The following GALNT11 variants were observed in gnomAD, a reference collection of about 807,000 sequenced individuals.
GALNT11 encodes UDP-GalNAc:polypeptide N-acetylgalactosaminyltransferase 11.
GALNT11 carries 47 observed loss-of-function variants against 72.7 expected under a neutral mutation model. The ratio of observed to expected loss-of-function variants is 0.65; its 90% confidence interval spans 0.51 to 0.82. GALNT11 has a LOEUF of 0.82. Ranked by LOEUF, GALNT11 falls within the 40% of genes least tolerant of loss-of-function variation. The probability of loss-of-function intolerance (pLI) is 0.00; values close to 1 mark genes in which losing one functional copy is unlikely to be tolerated. For missense variants in GALNT11, 677 were observed against 778.4 expected (o/e 0.87, Z 1.55); for synonymous variants, 270 against 286.6 (o/e 0.94, Z 0.58).
At chr7:152,056,475 T>C (rs1177483455) in intron 1 of GALNT11, among the ~76,000 whole-genome samples, 1 of 152,000 alleles carries the variant, frequency 6.6e-6, no homozygotes, top group African/African-American at 2.4e-5. Flanking sequence ...GGACTTGGAG[T>C]GAAGAGACTA....
chr7:152,077,735 A>C (rs546465498), intron 1 of GALNT11, among the ~76,000 whole-genome samples: 1 of 152,258 alleles, frequency 6.6e-6, no homozygotes, highest in Admixed American at 6.5e-5. Context: ...GATTTTTCAA[A>C]TAGTGTCCAC....
chr7:152,108,015 A>G, intron 5 of GALNT11, 23 bp from the exon 6 acceptor site: 1 of 1,594,252 alleles, frequency 6.3e-7, no homozygotes. Flanking sequence ...CACTCTCCTG[A>G]GCCTCTGTTG....
At chr7:152,109,380 C>T (rs1393421007) in intron 6 of GALNT11, among the ~76,000 whole-genome samples, 3 of 152,306 alleles carry the variant, frequency 2.0e-5, no homozygotes, top group Middle Eastern at 3.4e-3. Flanking sequence ...AGGAAGTCAG[C>T]GTTGTTAGTC....
rs563255234 is a variant in GALNT11 at position 152,039,442 on chromosome 7, G to A, written c.-39+13558G>A. ...CAAGATGGATAAATATGCCCAATAA[G>A]TGTAATTGTTCTCTGTGTCAGCCCT... On this transcript the variant is annotated intron_variant, in intron 1 of 11. Coordinates refer to ENST00000430044, the MANE Select transcript of GALNT11 (RefSeq NM_022087.4). Among the ~76,000 whole-genome samples, 6 of 152,172 alleles carry A rather than the reference G, an allele frequency of 3.9e-5. No homozygotes were observed. In the East Asian group the frequency reaches 9.6e-4, roughly 24 times the overall value.
At chr7:152,081,421 G>T (rs531211008) in intron 1 of GALNT11, among the ~76,000 whole-genome samples, 1 of 152,306 alleles carries the variant, frequency 6.6e-6, no homozygotes, top group East Asian at 1.9e-4. Context: ...TGTAAATTGG[G>T]TGAGCTGAGA....
intron 8 of GALNT11, among the ~76,000 whole-genome samples, chr7:152,113,680 T>C (rs1241268816): frequency 6.7e-6 from 1 of 150,062 alleles, no homozygotes; most frequent in African/African-American, 2.5e-5. Context: ...CCGTCTGGTC[T>C]CTCTATTGTG....
At chr7:152,117,406 T>G in intron 9 of GALNT11, 31 bp downstream of exon 9, 1 of 1,608,136 alleles carries the variant, frequency 6.2e-7, no homozygotes, top group Non-Finnish European at 8.5e-7. Flanking sequence ...AAGTGGCTTA[T>G]GAAAAGCGTT....
chr7:152,101,647 G>A (rs1041431930), intron 3 of GALNT11, among the ~76,000 whole-genome samples: 9 of 146,498 alleles, frequency 6.1e-5, no homozygotes, highest in African/African-American at 2.3e-4. Flanking sequence ...TTTTTTGGGG[G>A]GGGGGGGATG....
intron 8 of GALNT11, among the ~76,000 whole-genome samples, chr7:152,116,751 A>AAGCC (rs2088900076): frequency 1.3e-5 from 2 of 152,362 alleles, no homozygotes; most frequent in South Asian, 4.1e-4. Context: ...GGCTTGTTTT[A>AAGCC]AGCCAGCCAG....
chr7:152,069,997 C>CTTTTTTTTTTTTT (rs879494057), intron 1 of GALNT11, among the ~76,000 whole-genome samples: 2 of 143,482 alleles, frequency 1.4e-5, no homozygotes, highest in African/African-American at 5.7e-5. Context: ...TTTTCTTTTT[C>CTTTTTTTTTTTTT]TTTTTCTTTT....
rs185921157 is a variant in GALNT11 at position 152,083,328 on chromosome 7, C to T, written c.-38-10862C>T. On this transcript the variant is annotated intron_variant, in intron 1 of 11. Transcript: ENST00000430044. The stretch of plus-strand genomic sequence containing the variant: ...GTTTTATAATTAAATATCCAGTTTT[C>T]GGGATAAATGATGGGAGGAGTAGAC... 1.6e-3 allele frequency among the ~76,000 whole-genome samples: 246 copies of T among 152,100 alleles called. 3 individuals carry two copies. The highest frequency in any genetic ancestry group is 0.014 in the Admixed American group (210 of 15,282).
rs554137565 is a variant in GALNT11, at chr7:152,112,935, G to A, written c.1081-311G>A. Among the ~76,000 whole-genome samples the A allele has an allele frequency of 1.2e-4, 18 of 152,282 alleles. No homozygotes were observed. The South Asian group carries it at 1.7e-3, about 14-fold the overall frequency. On this transcript the variant is annotated intron_variant, in intron 7 of 11. Coordinates refer to ENST00000430044, the MANE Select transcript of GALNT11 (RefSeq NM_022087.4). ...AAAAATAAGCACTTCTTGTTCTTAA[G>A]TGCCTAAGATCAAGTCTCTTGATCT... is the stretch of plus-strand genomic sequence containing the variant.
intron 1 of GALNT11, among the ~76,000 whole-genome samples, chr7:152,036,516 A>G (rs933319269): frequency 3.9e-5 from 6 of 152,146 alleles, no homozygotes; most frequent in Admixed American, 2.0e-4. Flanking sequence ...GGTTGCTTCC[A>G]TATCTTGGCT....
chr7:152,113,313 G>A lies in GALNT11; in HGVS notation c.1148G>A (p.Arg383Lys). 1 of 1,614,100 alleles carries A rather than the reference G, an allele frequency of 6.2e-7. No homozygotes were observed. Among genetic ancestry groups the A allele is most frequent in the South Asian group, 1.1e-5 (1 of 91,064 alleles). ...CSRVGHIFRK[R>K]RPYGSPEGQD... ...AGAGTAGGACACATTTTCCGAAAAA[G>A]GCGACCATATGGATCTCCCGAAGGC... The change falls in exon 8 of 12, where the codon AGG (arginine) becomes AAG (lysine). Residue 383 changes from arginine (R) to lysine (K), a missense_variant. Transcript: ENST00000430044.
intron 9 of GALNT11, 74 bp downstream of exon 9, chr7:152,117,449 A>C: frequency 1.4e-6 from 2 of 1,392,860 alleles, no homozygotes; most frequent in Non-Finnish European, 2.0e-6. Flanking sequence ...TCCATAAGCT[A>C]TGACAGGTGA....
chr7:152,085,991 G>C (rs2085624974), intron 1 of GALNT11, among the ~76,000 whole-genome samples: 1 of 151,868 alleles, frequency 6.6e-6, no homozygotes, highest in African/African-American at 2.4e-5. Flanking sequence ...TGGTTCAAGC[G>C]ATTCTCCTGC....
At chr7:152,053,426 T>C (rs557683995) in intron 1 of GALNT11, among the ~76,000 whole-genome samples, 6 of 152,212 alleles carry the variant, frequency 3.9e-5, no homozygotes, top group South Asian at 2.1e-4. Flanking sequence ...TATTTGGCCA[T>C]TGGAATTTTA....
intron 1 of GALNT11, among the ~76,000 whole-genome samples, chr7:152,043,776 C>T (rs1200000682): frequency 6.6e-6 from 1 of 152,170 alleles, no homozygotes; most frequent in East Asian, 1.9e-4. Flanking sequence ...CCTCTCCCTC[C>T]ATTGCCGCTT....
At chr7:152,059,562 T>C (rs138096176) in intron 1 of GALNT11, among the ~76,000 whole-genome samples, 46 of 152,326 alleles carry the variant, frequency 3.0e-4, no homozygotes, top group Middle Eastern at 3.4e-3. Context: ...TACTCCTTGA[T>C]CCATGGGCTG....
Sources: allele counts gnomAD v4.1 joint callset (sites outside exome capture counted in the v4.1 genomes callset), GRCh38; gene constraint gnomAD v4.1.1; transcripts MANE v1.5; gene names NCBI Gene and HGNC (gene_info 2026-07-23, HGNC 2026-07-21).